The following ARL17A variants were observed in gnomAD, a reference collection of about 807,000 sequenced individuals.
ARL17A encodes the protein ARF like GTPase 17A.
chr17:46,542,104 C>T (rs1170751507), intron 3 of ARL17A, among the ~76,000 whole-genome samples: 16 of 138,858 alleles, frequency 1.2e-4, no homozygotes, highest in African/African-American at 1.8e-4. Flanking sequence ...CTAACCTGGG[C>T]GACAGAGTGG....
At position 46,554,519 on chromosome 17, in the gene ARL17A, A is replaced by AC. The variant is rs1454819137; in HGVS notation, c.*2836_*2837insG. On this transcript the variant is annotated 3_prime_UTR_variant, in exon 4 of 4. Coordinates refer to ENST00000336125, the MANE Select transcript of ARL17A (RefSeq NM_001113738.2). ...CAGGAAAACTGAGAAGGAGAAAGGGAGAGTGTCTTACTTACCCCATGGTCA... is the reference window on the plus strand; with the variant it reads ...CAGGAAAACTGAGAAGGAGAAAGGGACGAGTGTCTTACTTACCCCATGGTCA... The AC allele has an allele frequency of 2.7e-4, 1 of 3,690 alleles. No individual in the cohort carries two copies. The highest frequency in any genetic ancestry group is 6.2e-3 in the African/African-American group (1 of 162). The allele number at this position is 3,690 out of a possible 1,614,324, so 0.2% of individuals were successfully genotyped here.
At chr17:46,533,736 A>C (rs2054104078) in intron 4 of ARL17A, among the ~76,000 whole-genome samples, 1 of 88,596 alleles carries the variant, frequency 1.1e-5, no homozygotes, top group Admixed American at 1.1e-4. Context: ...TCTTGACCTC[A>C]AGTGATCCTC....
intron 4 of ARL17A, among the ~76,000 whole-genome samples, chr17:46,534,530 A>G (rs927363399): frequency 6.8e-6 from 1 of 148,128 alleles, no homozygotes; most frequent in African/African-American, 2.6e-5. Context: ...TCATAGATCA[A>G]CAGCATCCCA....
At chr17:46,502,439 T>A in the ARL17A span, among the ~76,000 whole-genome samples, 1 of 150,922 alleles carries the variant, frequency 6.6e-6, no homozygotes, top group East Asian at 1.9e-4. Flanking sequence ...GTAGCTGGGA[T>A]TATAGGTACC....
intron 3 of ARL17A, among the ~76,000 whole-genome samples, chr17:46,545,223 G>A (rs1285535381): frequency 1.5e-5 from 2 of 136,858 alleles, no homozygotes; most frequent in Non-Finnish European, 3.0e-5. Context: ...CTTGAGCCCA[G>A]GAGTTCTACA....
At chr17:46,559,296 GGAGCC>G (rs2057479684) in intron 3 of ARL17A, 1 of 5,914 alleles carries the variant, frequency 1.7e-4, no homozygotes, top group African/African-American at 1.8e-3. Flanking sequence ...GGAACCGGTT[GGAGCC>G]GAGGCTTTAG....
downstream of ARL17A, among the ~76,000 whole-genome samples, chr17:46,516,214 A>G (rs2051277203): frequency 6.9e-6 from 1 of 144,152 alleles, no homozygotes; most frequent in African/African-American, 2.5e-5. Context: ...GAGGCAGGAG[A>G]ATGGCATGAA....
intron 3 of ARL17A, among the ~76,000 whole-genome samples, chr17:46,542,599 T>G (rs957955528): frequency 9.3e-5 from 14 of 149,838 alleles, no homozygotes; most frequent in African/African-American, 3.3e-4. Context: ...GGAACCTGAG[T>G]CAGGAGGATC....
In ARL17A at chr17:46,532,288, A is replaced by G. The variant is rs377529924; in HGVS notation, c.336-3429T>C. 6.9e-4 allele frequency among the ~76,000 whole-genome samples: 104 copies of G among 150,122 alleles called. 2 individuals are homozygous for G. In the East Asian group the frequency reaches 0.018, roughly 26 times the overall value. On this transcript the variant is annotated intron_variant, in intron 4 of 4. Transcript: ENST00000329240. ...GAATCATGCTATTATTATCTGCTTC[A>G]TGTTTACAGAATACTCCGTTGAATT...
chr17:46,534,197 GT>G (rs1555646672), intron 4 of ARL17A, among the ~76,000 whole-genome samples: 1 of 148,736 alleles, frequency 6.7e-6, no homozygotes, highest in East Asian at 1.9e-4. Flanking sequence ...TTTTGTTTTT[GT>G]TTTTTTTAAT....
At chr17:46,541,448 C>T (rs1219183043) in intron 3 of ARL17A, among the ~76,000 whole-genome samples, 3 of 149,022 alleles carry the variant, frequency 2.0e-5, no homozygotes, top group East Asian at 2.0e-4. Context: ...GACAAGGTTT[C>T]GCCATGTTGG....
chr17:46,542,769 T>C (rs1488643745), intron 3 of ARL17A, among the ~76,000 whole-genome samples: 2 of 150,510 alleles, frequency 1.3e-5, no homozygotes, highest in Non-Finnish European at 2.9e-5. Context: ...TGTGAGTTTG[T>C]TACACAATTT....
Position 46,537,110 on chromosome 17 carries a change from A to AT in ARL17A, c.335+1240dup, listed in dbSNP as rs1272923879. 7.9e-4 allele frequency among the ~76,000 whole-genome samples: 37 copies of AT among 47,062 alleles called. 2 individuals carry two copies. Among genetic ancestry groups the AT allele is most frequent in the African/African-American group, 3.8e-3 (29 of 7,610 alleles). The allele number at this position is 47,062 out of a possible 152,430, so 30.9% of individuals were successfully genotyped here. Reference sequence around the variant, plus strand: ...TTTTTTTTTTTTTTTTTTTTTTGCTATTTTTTTTGGTATTTGTTGCTTTTA... The same window carrying AT: ...TTTTTTTTTTTTTTTTTTTTTTGCTATTTTTTTTTGGTATTTGTTGCTTTTA... On this transcript the variant is annotated intron_variant, in intron 4 of 4. Transcript: ENST00000329240.
intron 3 of ARL17A, among the ~76,000 whole-genome samples, chr17:46,541,776 G>A (rs1286201241): frequency 1.3e-5 from 2 of 150,926 alleles, no homozygotes; most frequent in African/African-American, 2.5e-5. Flanking sequence ...CACTGTATTA[G>A]GTACTTAGAG....
the ARL17A span, among the ~76,000 whole-genome samples, chr17:46,504,902 TATTA>T: frequency 1.8e-4 from 22 of 123,866 alleles, 1 homozygote; most frequent in Middle Eastern, 3.8e-3. Context: ...TACATTGATT[TATTA>T]ATTAATAAAT....
intron 4 of ARL17A, among the ~76,000 whole-genome samples, chr17:46,535,014 G>A (rs1448159978): frequency 6.7e-5 from 10 of 149,786 alleles, no homozygotes; most frequent in South Asian, 4.2e-4. Context: ...ACAGGGTCGC[G>A]GCCGGGCAGA....
chr17:46,543,984 GCA>G (rs2055903876), intron 3 of ARL17A, among the ~76,000 whole-genome samples: 1 of 134,666 alleles, frequency 7.4e-6, no homozygotes, highest in Admixed American at 7.2e-5. Flanking sequence ...AGGTGTGGTG[GCA>G]CACACCTGTA....
the ARL17A span, among the ~76,000 whole-genome samples, chr17:46,502,590 C>T: frequency 6.6e-6 from 1 of 151,310 alleles, no homozygotes; most frequent in East Asian, 1.9e-4. Context: ...GCATGAGCCA[C>T]TGCTCCTGGC....
chr17:46,529,263 T>C (rs1332013646), intron 4 of ARL17A, among the ~76,000 whole-genome samples: 1 of 110,120 alleles, frequency 9.1e-6, no homozygotes, highest in Admixed American at 9.8e-5. Flanking sequence ...CCCATTGTTC[T>C]ACAGCAAAAG....
Sources: gnomAD v4.1 joint callset for allele counts (sites outside exome capture counted in the v4.1 genomes callset) on GRCh38, gnomAD v4.1.1 for gene constraint, MANE v1.5 for transcripts, NCBI Gene and HGNC (gene_info 2026-07-23, HGNC 2026-07-21) for gene names.